The following PRADC1 variants were observed in gnomAD, a reference collection of about 807,000 sequenced individuals.
The protein encoded by PRADC1 is protease-associated domain-containing protein 1.
A neutral mutation model predicts 22.9 loss-of-function variants in PRADC1; 23 were observed. The observed-to-expected ratio is 1.00, with a 90% CI of 0.72 to 1.42. The LOEUF (loss-of-function observed/expected upper bound fraction) is 1.42, where lower values mean the gene tolerates loss of function less well. PRADC1 is among the 40% of genes most tolerant of loss of function. The pLI, the probability that PRADC1 is intolerant of heterozygous loss-of-function variation, is 0.00. For missense variants in PRADC1, 207 were observed against 258.3 expected (o/e 0.80, Z 1.36); for synonymous variants, 71 against 100.3 (o/e 0.71, Z 1.75).
chr2:73,229,007 T>TC, intron 3 of PRADC1, 45 bp from the exon 4 acceptor site: 1 of 1,575,048 alleles, frequency 6.3e-7, no homozygotes, highest in Non-Finnish European at 8.7e-7. Context: ...AGGTCCTAGC[T>TC]CCCCCTTCCC....
intron 1 of PRADC1, among the ~76,000 whole-genome samples, chr2:73,231,677 T>A (rs1386149382): frequency 6.6e-6 from 1 of 151,768 alleles, no homozygotes; most frequent in Non-Finnish European, 1.5e-5. Context: ...GGTCTCGCCT[T>A]GTTGCCAGGG....
rs1686556417 is a variant in PRADC1 at position 73,228,361 on chromosome 2, C to G, written c.*93G>C. On this transcript the variant is annotated 3_prime_UTR_variant, in exon 5 of 5. Coordinates refer to ENST00000258083, the MANE Select transcript of PRADC1 (RefSeq NM_032319.3). This position sits in a 1 kb window ranked among gnomAD's most constrained non-coding sequence, Gnocchi z 4.0. ...TCCTCTACCTGGCTCCACTTGTCCC[C>G]AGATGCTATCTCCAAATTCCAAGTA... is the stretch of plus-strand genomic sequence containing the variant. The G allele has an allele frequency of 1.3e-6, 2 of 1,515,276 alleles. No homozygotes were observed. The highest frequency in any genetic ancestry group is 1.8e-6 in the Non-Finnish European group (2 of 1,109,666). 93.9% of individuals were successfully genotyped at this position (1,515,276 alleles called of 1,614,324 possible). A position where few individuals can be genotyped will look rare whatever the true frequency, so the allele number is the denominator to read the frequency against.
At chr2:73,230,055 C>T (rs937349920) in intron 2 of PRADC1, 58 bp downstream of exon 2, 5 of 1,188,530 alleles carry the variant, frequency 4.2e-6, no homozygotes, top group South Asian at 1.2e-5. Context: ...GTCACTGCAG[C>T]TCAGTGAGGG....
chr2:73,229,592 G>A (rs1225393309), intron 2 of PRADC1, 22 bp from the exon 3 acceptor site: 4 of 1,586,044 alleles, frequency 2.5e-6, no homozygotes, highest in Non-Finnish European at 3.5e-6. Context: ...TTAACATTTG[G>A]ACAGGTGAGA....
chr2:73,232,950 A>T, intron 1 of PRADC1, 144 bp downstream of exon 1: 1 of 879,510 alleles, frequency 1.1e-6, no homozygotes, highest in Non-Finnish European at 1.6e-6. Flanking sequence ...ACCACCACCC[A>T]CTTATTCCGG....
chr2:73,229,379 T>G, intron 3 of PRADC1, 82 bp downstream of exon 3: 1 of 972,992 alleles, frequency 1.0e-6, no homozygotes, highest in Non-Finnish European at 1.6e-6. Context: ...CAAAAACAGC[T>G]CTTTCAAAGC....
chr2:73,228,666 G>T lies in PRADC1; in HGVS notation c.447-92C>A, dbSNP rs187281843. 1 of 1,598,802 alleles carries T rather than the reference G, an allele frequency of 6.3e-7. No homozygotes were observed. Among genetic ancestry groups the T allele is most frequent in the South Asian group, 1.1e-5 (1 of 89,810 alleles). On this transcript the variant is annotated intron_variant, in intron 4 of 4. Transcript: ENST00000258083. This position sits in a 1 kb window ranked among gnomAD's most constrained non-coding sequence, Gnocchi z 4.0. Reference sequence around the variant, plus strand: ...CATCAATCTGGGAGTTCCAAAGCCCGAGATCTTTTTTTGCCCTCTAACTGA... The same window carrying T: ...CATCAATCTGGGAGTTCCAAAGCCCTAGATCTTTTTTTGCCCTCTAACTGA...
chr2:73,229,705 C>G (rs1043082592), intron 2 of PRADC1, 135 bp from the exon 3 acceptor site: 12 of 686,692 alleles, frequency 1.7e-5, no homozygotes, highest in African/African-American at 3.6e-5. Flanking sequence ...TATCGCCAGA[C>G]ACTTAAACAT....
Position 73,230,188 on chromosome 2 carries a change from G to A in PRADC1, c.93C>T (p.Tyr31=), listed in dbSNP as rs1220473445. ...AHGFRIHDYL[Y]FQVLSPGDIR... The stretch of plus-strand genomic sequence containing the variant: ...TGTCCCCAGGACTCAGCACTTGAAA[G>A]TACAAATAATCATGGATACGGAAGC... Residue 31 remains tyrosine, a synonymous_variant, in exon 2 of 5, where the codon TAC becomes TAT. Transcript: ENST00000258083. 2 of 1,613,650 alleles carry A rather than the reference G, an allele frequency of 1.2e-6. No homozygotes were observed. The highest frequency in any genetic ancestry group is 2.7e-5 in the African/African-American group (2 of 74,930).
At chr2:73,230,043 G>T in intron 2 of PRADC1, 70 bp downstream of exon 2, 3 of 1,052,692 alleles carry the variant, frequency 2.8e-6, no homozygotes, top group Non-Finnish European at 4.5e-6. Context: ...TGGGATGAGA[G>T]GGTCACTGCA....
chr2:73,232,476 G>C (rs774898144), intron 1 of PRADC1, among the ~76,000 whole-genome samples: 1 of 152,234 alleles, frequency 6.6e-6, no homozygotes, highest in African/African-American at 2.4e-5. Context: ...ACAGCCATCA[G>C]TTAGAGCTCC....
At chr2:73,231,354 C>T (rs1163541089) in intron 1 of PRADC1, among the ~76,000 whole-genome samples, 1 of 152,086 alleles carries the variant, frequency 6.6e-6, no homozygotes, top group Non-Finnish European at 1.5e-5. Context: ...CTCCTGACCT[C>T]GTGATCCACC....
At chr2:73,229,056 A>G (rs1686577324) in intron 3 of PRADC1, 94 bp from the exon 4 acceptor site, 2 of 1,093,120 alleles carry the variant, frequency 1.8e-6, no homozygotes, top group African/African-American at 3.1e-5. Flanking sequence ...CAGACTATGA[A>G]GAATCTGTTA....
In PRADC1 at chr2:73,228,119, GACCC is replaced by G. The variant is rs1686551052; in HGVS notation, c.*331_*334del. 2.9e-6 allele frequency: 1 copy of G among 348,202 alleles called. No homozygotes were observed. The highest frequency in any genetic ancestry group is 2.1e-5 in the African/African-American group (1 of 47,942). 21.6% of individuals were successfully genotyped at this position (348,202 alleles called of 1,614,324 possible). A position where few individuals can be genotyped will look rare whatever the true frequency, so the allele number is the denominator to read the frequency against. ...ACTGCTGTGAAGGTCACTGTGCAGA[GACCC>G]TGGGTAGGGGAGGCTGGAGCCAGGT... On this transcript the variant is annotated 3_prime_UTR_variant, in exon 5 of 5. Transcript: ENST00000258083. This position sits in a 1 kb window ranked among gnomAD's most constrained non-coding sequence, Gnocchi z 4.0.
chr2:73,231,236 C>T (rs1164165030), intron 1 of PRADC1, among the ~76,000 whole-genome samples: 1 of 152,168 alleles, frequency 6.6e-6, no homozygotes, highest in Non-Finnish European at 1.5e-5. Flanking sequence ...TCTCCTGCCT[C>T]AGCCTCCGGA....
chr2:73,228,971 G>A lies in PRADC1; in HGVS notation c.279-9C>T. The A allele has an allele frequency of 8.1e-6, 13 of 1,613,208 alleles. No individual in the cohort carries two copies. Among genetic ancestry groups the A allele is most frequent in the Non-Finnish European group, 1.1e-5 (13 of 1,179,850 alleles). On this transcript the variant is annotated splice_polypyrimidine_tract_variant and intron_variant, in intron 3 of 4. Transcript: ENST00000258083. The surrounding 1 kb of genome is among the most constrained non-coding windows in gnomAD (Gnocchi z 4.0). Reference sequence around the variant, plus strand: ...AGAGGAAGGAGCAGCCCCTGGAAGAGGTGGTGATAAGACCAAAGGAAAGAC... The same window carrying A: ...AGAGGAAGGAGCAGCCCCTGGAAGAAGTGGTGATAAGACCAAAGGAAAGAC...
chr2:73,228,642 A>T lies in PRADC1; in HGVS notation c.447-68T>A, dbSNP rs1686566380. ...TACCCCATCATGCCCCACTGTCCCC[A>T]TCAATCTGGGAGTTCCAAAGCCCGA... On this transcript the variant is annotated intron_variant, in intron 4 of 4. Coordinates refer to ENST00000258083, the MANE Select transcript of PRADC1 (RefSeq NM_032319.3). The surrounding 1 kb of genome is among the most constrained non-coding windows in gnomAD (Gnocchi z 4.0). 1.2e-6 allele frequency: 2 copies of T among 1,608,858 alleles called. No individual in the cohort carries two copies. The highest frequency in any genetic ancestry group is 2.7e-5 in the African/African-American group (2 of 74,814).
chr2:73,232,973 A>G lies in PRADC1; in HGVS notation c.67+121T>C, dbSNP rs548112337. 3.6e-5 allele frequency: 43 copies of G among 1,193,480 alleles called. No individual in the cohort carries two copies. The South Asian group carries it at 5.9e-4, about 16-fold the overall frequency. 73.9% of individuals were successfully genotyped at this position (1,193,480 alleles called of 1,614,324 possible). A position where few individuals can be genotyped will look rare whatever the true frequency, so the allele number is the denominator to read the frequency against. On this transcript the variant is annotated intron_variant, in intron 1 of 4. Transcript: ENST00000258083. ...CCACTTATTCCGGCCGCCCGCTCCC[A>G]GACCTGTCCTGCTCTGAACTCGCAG...
At chr2:73,232,506 A>T (rs933802511) in intron 1 of PRADC1, among the ~76,000 whole-genome samples, 3 of 152,078 alleles carry the variant, frequency 2.0e-5, no homozygotes, top group Non-Finnish European at 2.9e-5. Flanking sequence ...GCACTGGGCT[A>T]TACAGTCCTG....
Sources: gnomAD v4.1 joint callset for allele counts (sites outside exome capture counted in the v4.1 genomes callset) on GRCh38, gnomAD v4.1.1 for gene constraint, Gnocchi (gnomAD v3.1) non-coding constraint, MANE v1.5 for transcripts, NCBI Gene and HGNC (gene_info 2026-07-23, HGNC 2026-07-21) for gene names.